The following KCTD1 variants were observed in gnomAD, a reference collection of about 807,000 sequenced individuals.
KCTD1 encodes potassium channel tetramerization domain containing 1, also known as BTB/POZ domain-containing protein KCTD1.
In KCTD1, 24 loss-of-function variants were observed where a neutral mutation model predicts 66.0. The observed-to-expected ratio is 0.36, with a 90% CI of 0.26 to 0.51. The LOEUF (loss-of-function observed/expected upper bound fraction) is 0.51, where lower values mean the gene tolerates loss of function less well. Among genes scored for constraint, KCTD1 ranks in the 20% least tolerant of loss-of-function variants. The probability of loss-of-function intolerance (pLI) is 0.95; values close to 1 mark genes in which losing one functional copy is unlikely to be tolerated. For missense variants in KCTD1, 943 were observed against 1,205.2 expected (o/e 0.78, Z 3.22); for synonymous variants, 511 against 517.2 (o/e 0.99, Z 0.16).
At chr18:26,486,529 C>T (rs965483748) in intron 2 of KCTD1, among the ~76,000 whole-genome samples, 6 of 152,208 alleles carry the variant, frequency 3.9e-5, no homozygotes, top group African/African-American at 1.4e-4. Flanking sequence ...GTTCCTATTC[C>T]TGGGTTTCTC....
At chr18:26,491,698 C>T (rs1309822294) in intron 2 of KCTD1, among the ~76,000 whole-genome samples, 2 of 152,148 alleles carry the variant, frequency 1.3e-5, no homozygotes, top group Non-Finnish European at 2.9e-5. Flanking sequence ...CTCTGGCTTC[C>T]TCGGGGGCTG....
At chr18:26,615,825 T>C (rs1987237169) in intron 1 of KCTD1, among the ~76,000 whole-genome samples, 1 of 152,178 alleles carries the variant, frequency 6.6e-6, no homozygotes. Context: ...AGTTTTGCTG[T>C]TGTTGCCCAG....
intron 2 of KCTD1, among the ~76,000 whole-genome samples, chr18:26,491,048 T>A (rs537354007): frequency 6.6e-6 from 1 of 152,256 alleles, no homozygotes; most frequent in South Asian, 2.1e-4. Flanking sequence ...CCACCGCACC[T>A]GGCCCAGAGA....
At chr18:26,631,480 C>T (rs943907357), upstream of KCTD1, among the ~76,000 whole-genome samples, 30 of 132,868 alleles carry the variant, frequency 2.3e-4, no homozygotes, top group African/African-American at 8.0e-4. Context: ...AGAAAAGGTA[C>T]AGTAAAAATA....
intron 2 of KCTD1, among the ~76,000 whole-genome samples, chr18:26,481,374 A>G (rs1981639523): frequency 1.3e-5 from 2 of 152,144 alleles, no homozygotes; most frequent in African/African-American, 4.8e-5. Context: ...CAGGGGCAGG[A>G]GGTAAGGTTA....
At chr18:26,549,647 C>T, upstream of KCTD1, 1 of 926,322 alleles carries the variant, frequency 1.1e-6, no homozygotes, top group Non-Finnish European at 1.3e-6. Context: ...GCCCATCGGG[C>T]AGGCGGAAAA....
chr18:26,478,592 CTCTCATTTTCAGG>C (rs1981467479), intron 2 of KCTD1, among the ~76,000 whole-genome samples: 1 of 152,118 alleles, frequency 6.6e-6, no homozygotes, highest in African/African-American at 2.4e-5. Flanking sequence ...TTTAGATAAA[CTCTCATTTTCAGG>C]TCTAGACTTG....
At chr18:26,582,065 C>T (rs998654423) in intron 1 of KCTD1, among the ~76,000 whole-genome samples, 4 of 148,610 alleles carry the variant, frequency 2.7e-5, no homozygotes, top group South Asian at 2.1e-4. Context: ...CTCAAGAGCT[C>T]GAGACCAGCC....
chr18:26,514,947 A>G (rs558524834), intron 1 of KCTD1, among the ~76,000 whole-genome samples: 1 of 152,226 alleles, frequency 6.6e-6, no homozygotes, highest in South Asian at 2.1e-4. Context: ...GCTTAGATTA[A>G]GAAGCAGGCA....
intron 1 of KCTD1, among the ~76,000 whole-genome samples, chr18:26,650,398 G>A (rs1398378040): frequency 2.0e-5 from 3 of 152,222 alleles, no homozygotes; most frequent in Non-Finnish European, 4.4e-5. Flanking sequence ...AAGCAAAGGT[G>A]AATAAACACA....
At chr18:26,549,459 A>C, upstream of KCTD1, 1 of 985,468 alleles carries the variant, frequency 1.0e-6, no homozygotes, top group Non-Finnish European at 1.2e-6. Context: ...GGAGCGAGGC[A>C]GAGAAGACTG....
intron 1 of KCTD1, among the ~76,000 whole-genome samples, chr18:26,584,820 C>T (rs1986436131): frequency 6.6e-6 from 1 of 152,046 alleles, no homozygotes; most frequent in Non-Finnish European, 1.5e-5. Flanking sequence ...TGAAAATTGG[C>T]AGGAGTTAAC....
chr18:26,529,127 C>T (rs1206912082), intron 1 of KCTD1, among the ~76,000 whole-genome samples: 1 of 152,172 alleles, frequency 6.6e-6, no homozygotes, highest in African/African-American at 2.4e-5. Context: ...CTCTTGTACT[C>T]CCCTGCAGTG....
At chr18:26,517,807 C>A (rs1440585965) in intron 1 of KCTD1, among the ~76,000 whole-genome samples, 1 of 152,038 alleles carries the variant, frequency 6.6e-6, no homozygotes, top group Non-Finnish European at 1.5e-5. Flanking sequence ...AAACTTCTTT[C>A]TTTTGCAAAT....
Position 26,468,855 on chromosome 18 carries a change from C to T in KCTD1, c.2133+7660G>A, listed in dbSNP as rs1048080415. Among the ~76,000 whole-genome samples, 2 of 152,022 alleles carry T rather than the reference C, an allele frequency of 1.3e-5. No individual in the cohort carries two copies. The highest frequency in any genetic ancestry group is 4.8e-5 in the African/African-American group (2 of 41,378). ...GAGCAAGACTTTGTCTCAAAGAAAC[C>T]AAAAAACCCCAAAAGCCATGTCCCT... On this transcript the variant is annotated intron_variant, in intron 3 of 4. Transcript: ENST00000580059. This position sits in a 1 kb window ranked among gnomAD's most constrained non-coding sequence, Gnocchi z 4.8.
chr18:26,506,314 G>A (rs112572016), intron 1 of KCTD1, among the ~76,000 whole-genome samples: 31 of 152,274 alleles, frequency 2.0e-4, no homozygotes, highest in Non-Finnish European at 2.9e-4. Context: ...TGAAACATGC[G>A]ACTACAATCA....
intron 1 of KCTD1, among the ~76,000 whole-genome samples, chr18:26,553,603 C>T (rs1442085844): frequency 6.6e-6 from 1 of 152,164 alleles, no homozygotes; most frequent in Admixed American, 6.6e-5. Flanking sequence ...GCCTTACTAG[C>T]CACCCTTTTC....
chr18:26,532,324 C>T (rs1261495986), intron 1 of KCTD1, among the ~76,000 whole-genome samples: 1 of 137,246 alleles, frequency 7.3e-6, no homozygotes, highest in African/African-American at 2.9e-5. Context: ...GGCTGGAATG[C>T]AGTGGCACAA....
At chr18:26,475,337 A>G (rs1189882594) in intron 3 of KCTD1, among the ~76,000 whole-genome samples, 2 of 152,230 alleles carry the variant, frequency 1.3e-5, no homozygotes, top group Non-Finnish European at 2.9e-5. Context: ...TATATAGAAT[A>G]ATTTGAGGAT....
Sources: allele counts gnomAD v4.1 joint callset (sites outside exome capture counted in the v4.1 genomes callset), GRCh38; gene constraint gnomAD v4.1.1; non-coding constraint Gnocchi (gnomAD v3.1); transcripts MANE v1.5; gene names NCBI Gene and HGNC (gene_info 2026-07-23, HGNC 2026-07-21).